MYH15: variants seen among roughly 807,000 people sequenced by gnomAD.
The protein encoded by MYH15 is myosin-15.
MYH15 carries 227 observed loss-of-function variants against 240.5 expected under a neutral mutation model. The observed-to-expected ratio is 0.94, with a 90% CI of 0.85 to 1.05. The LOEUF is 1.05. MYH15 is among the 50% of genes least tolerant of loss of function. MYH15 has a pLI of 0.00. For missense variants in MYH15, 2,217 were observed against 2,247.5 expected (o/e 0.99, Z 0.27); for synonymous variants, 785 against 796.7 (o/e 0.99, Z 0.25).
chr3:108,408,465 C>G (rs2082563324), intron 31 of MYH15, 61 bp from the exon 32 acceptor site: 3 of 1,492,814 alleles, frequency 2.0e-6, no homozygotes, highest in Non-Finnish European at 2.7e-6. Context: ...ACCAATGATA[C>G]CAGGCACAAC....
intron 31 of MYH15, 98 bp downstream of exon 31, chr3:108,410,485 G>T: frequency 2.5e-6 from 2 of 792,844 alleles, no homozygotes; most frequent in Non-Finnish European, 3.8e-6. Flanking sequence ...GTTAAAACAT[G>T]TTGGGAATGT....
chr3:108,528,968 C>A (rs762862747), intron 1 of MYH15, among the ~76,000 whole-genome samples: 1 of 152,224 alleles, frequency 6.6e-6, no homozygotes, highest in Middle Eastern at 3.4e-3. Context: ...CACCATGACC[C>A]TTGGTGTCTG....
At chr3:108,480,137 G>GTGA (rs2083255355) in intron 11 of MYH15, among the ~76,000 whole-genome samples, 1 of 152,170 alleles carries the variant, frequency 6.6e-6, no homozygotes, top group African/African-American at 2.4e-5. Context: ...CACACAAATC[G>GTGA]AGTATCACAA....
At chr3:108,448,964 G>A (rs2039392373) in intron 21 of MYH15, among the ~76,000 whole-genome samples, 1 of 151,204 alleles carries the variant, frequency 6.6e-6, no homozygotes, top group Non-Finnish European at 1.5e-5. Context: ...TACTAACAAT[G>A]GACTATCCAA....
Position 108,394,052 on chromosome 3 carries a change from C to T in MYH15, c.5238G>A (p.Lys1746=). The stretch of plus-strand genomic sequence containing the variant: ...CCACCTCAATGGCTGCCTTCTTGGC[C>T]TTCTCTTCTGCATTTTGACACTCCT... ...VVQECQNAEE[K]AKKAAIEAAN... is the part of the protein sequence containing the mutation. Residue 1746 remains lysine, a synonymous_variant, in exon 36 of 41, where the codon AAG becomes AAA. Transcript: ENST00000693548. The T allele has an allele frequency of 6.2e-7, 1 of 1,614,050 alleles. No homozygotes were observed. The highest frequency in any genetic ancestry group is 8.5e-7 in the Non-Finnish European group (1 of 1,179,992).
At chr3:108,419,769 C>A (rs2082666072) in intron 28 of MYH15, among the ~76,000 whole-genome samples, 1 of 152,144 alleles carries the variant, frequency 6.6e-6, no homozygotes, top group South Asian at 2.1e-4. Flanking sequence ...GATTTAGCAT[C>A]TGGAAATAGA....
At position 108,452,528 on chromosome 3, in the gene MYH15, T is replaced by C. The variant is rs2082982920; in HGVS notation, c.2399+1478A>G. On this transcript the variant is annotated intron_variant, in intron 21 of 40. Transcript: ENST00000693548. ...AGCCCTAGATTCATTAACATTGATA[T>C]ATTTCAAAGAATAATACTGAATATA... Among the ~76,000 whole-genome samples the C allele has an allele frequency of 2.0e-5, 3 of 152,266 alleles. No homozygotes were observed. The South Asian group carries it at 6.2e-4, about 32-fold the overall frequency.
In MYH15 at chr3:108,464,694, T is replaced by C. The variant is rs748740422; in HGVS notation, c.1675A>G (p.Lys559Glu). 98 of 1,613,848 alleles carry C rather than the reference T, an allele frequency of 6.1e-5. No individual in the cohort carries two copies. The highest frequency in any genetic ancestry group is 5.9e-6 in the Non-Finnish European group (7 of 1,179,876). ...FGKSVHLQKP[K>E]PDKKKFEAHF... ...GCTTCAAATTTCTTCTTATCAGGCT[T>C]GGGCTTCTGGAGATGAACCGACTTT... The change falls in exon 15 of 41, where the codon AAG becomes GAG. Residue 559 changes from lysine to glutamate, a missense_variant. Lys to Glu is a moderately conservative substitution (Grantham distance 56, BLOSUM62 1). Transcript: ENST00000693548.
intron 25 of MYH15, among the ~76,000 whole-genome samples, chr3:108,436,759 A>G (rs7614850): frequency 1 from 152,101 of 152,320 alleles, 75,941 homozygotes; most frequent in Middle Eastern, 1. Context: ...GGATGGTCTC[A>G]ATCTCTTGAC....
In MYH15 at chr3:108,518,293, T is replaced by C. The variant is rs1381807257; in HGVS notation, c.-57-7706A>G. ...CATTAAAGTCATTCTTGTTTCCTAC[T>C]TTGTTCACCTTTACATCCAATCAAT... On this transcript the variant is annotated intron_variant, in intron 1 of 41. Coordinates refer to the MYH15 transcript ENST00000273353. Among the ~76,000 whole-genome samples, 5 of 152,236 alleles carry C rather than the reference T, an allele frequency of 3.3e-5. No individual in the cohort carries two copies. The South Asian group carries it at 8.3e-4, about 25-fold the overall frequency.
chr3:108,462,345 T>C (rs1395321789), intron 16 of MYH15, among the ~76,000 whole-genome samples: 4 of 152,102 alleles, frequency 2.6e-5, no homozygotes, highest in Non-Finnish European at 5.9e-5. Flanking sequence ...GTGAGTAGAA[T>C]AGGCACTAAA....
chr3:108,534,246 T>C (rs1056867865), upstream of MYH15, among the ~76,000 whole-genome samples: 9 of 152,162 alleles, frequency 5.9e-5, no homozygotes, highest in Non-Finnish European at 7.4e-5. Context: ...AAAACTCCAA[T>C]TGCATATTAT....
chr3:108,444,702 G>A lies in MYH15; in HGVS notation c.2593C>T (p.Leu865=), dbSNP rs2082912665. The A allele has an allele frequency of 1.2e-6, 2 of 1,613,996 alleles. No individual in the cohort carries two copies. The highest frequency in any genetic ancestry group is 2.2e-5 in the East Asian group (1 of 44,856). ...GTGAGGGATACTTGCTTTGCTTTCA[G>A]TTCCTCCCTCTGAAACTCTGATTTC... The part of the protein sequence containing the change: ...LEKSEFQREE[L]KAKQVSLTQE... The change falls in exon 22 of 41, where the codon CTG becomes TTG. Residue 865 remains leucine, a synonymous_variant. Transcript: ENST00000693548.
intron 32 of MYH15, among the ~76,000 whole-genome samples, chr3:108,406,612 G>A (rs1017893803): frequency 1.3e-5 from 2 of 152,196 alleles, no homozygotes; most frequent in Non-Finnish European, 2.9e-5. Context: ...GATAATGTGA[G>A]TTTTATGGCT....
intron 21 of MYH15, 130 bp downstream of exon 21, chr3:108,453,876 T>G (rs2082996823): frequency 2.3e-6 from 2 of 888,058 alleles, no homozygotes; most frequent in Non-Finnish European, 3.3e-6. Flanking sequence ...TCTCATGATT[T>G]AAAAATGTTT....
At chr3:108,550,171 T>TA in the MYH15 span, 1 of 151,674 alleles carries the variant, frequency 6.6e-6, no homozygotes, top group Non-Finnish European at 1.5e-5. Context: ...ACAGAGTAGT[T>TA]AGAGGATATG....
chr3:108,428,397 T>G, intron 27 of MYH15, 95 bp downstream of exon 27: 2 of 1,402,222 alleles, frequency 1.4e-6, no homozygotes, highest in Admixed American at 4.3e-5. Flanking sequence ...ACTGAGTCAC[T>G]AAGCTGGCTT....
the MYH15 span, among the ~76,000 whole-genome samples, chr3:108,535,921 A>G: frequency 6.6e-6 from 1 of 152,140 alleles, no homozygotes; most frequent in African/African-American, 2.4e-5. Context: ...TTATATGCAT[A>G]TTGACATTCT....
chr3:108,481,545 C>G (rs2083267885), intron 11 of MYH15, among the ~76,000 whole-genome samples: 1 of 151,968 alleles, frequency 6.6e-6, no homozygotes, highest in East Asian at 1.9e-4. Flanking sequence ...AAGGTAACAT[C>G]CAAGAAGTTA....
Sources: gnomAD v4.1 joint callset for allele counts (sites outside exome capture counted in the v4.1 genomes callset) on GRCh38, gnomAD v4.1.1 for gene constraint, MANE v1.5 for transcripts, NCBI Gene and HGNC (gene_info 2026-07-23, HGNC 2026-07-21) for gene names.